Variants in NAP1L4 observed in about 807,000 individuals in gnomAD.
NAP1L4 encodes nucleosome assembly protein 1 like 4, also known as nucleosome assembly protein 1-like 4.
Under a neutral mutation model 58.2 loss-of-function variants are expected in NAP1L4, and 15 were observed. The observed-to-expected ratio is 0.26, with a 90% CI of 0.17 to 0.40. NAP1L4 has a LOEUF of 0.40. Ranked by LOEUF, NAP1L4 falls within the 10% of genes least tolerant of loss-of-function variation. The probability of loss-of-function intolerance (pLI) is 1.00; values close to 1 mark genes in which losing one functional copy is unlikely to be tolerated. For synonymous variants in NAP1L4, 171 were observed against 155.6 expected, an observed-to-expected ratio of 1.10 and a Z score of -0.74; for missense variants, 384 against 451.1, an observed-to-expected ratio of 0.85 and a Z score of 1.35.
At position 2,982,275 on chromosome 11, in the gene NAP1L4, A is replaced by G. The variant is rs188874516; in HGVS notation, c.-17-3038T>C. ...CCAAAACAGTTACACAATAACATCA[A>G]CTGTAATTTGGCTACTTAATTGAAG... On this transcript the variant is annotated intron_variant, in intron 1 of 15. Coordinates refer to ENST00000380542, the MANE Select transcript of NAP1L4 (RefSeq NM_005969.4). Among the ~76,000 whole-genome samples, 168 of 152,318 alleles carry G rather than the reference A, an allele frequency of 1.1e-3. No homozygotes were observed. The Middle Eastern group carries it at 0.014, about 12-fold the overall frequency.
chr11:2,955,017 A>G lies in NAP1L4; in HGVS notation c.916-371T>C, dbSNP rs1260557410. ...AACACATACTTTTACTTAGATGTGT[A>G]ATGATTTCAAATTAATCCCAGAGTT... On this transcript the variant is annotated intron_variant, in intron 11 of 15. Transcript: ENST00000380542. This position sits in a 1 kb window ranked among gnomAD's most constrained non-coding sequence, Gnocchi z 4.2. Among the ~76,000 whole-genome samples, 1 of 152,158 alleles carries G rather than the reference A, an allele frequency of 6.6e-6. No homozygotes were observed. The highest frequency in any genetic ancestry group is 2.4e-5 in the African/African-American group (1 of 41,434).
chr11:2,988,459 C>A (rs1364415385), intron 1 of NAP1L4, among the ~76,000 whole-genome samples: 1 of 152,232 alleles, frequency 6.6e-6, no homozygotes, highest in Non-Finnish European at 1.5e-5. Flanking sequence ...ACAAAGACTT[C>A]TGTTTTATTC....
intron 1 of NAP1L4, among the ~76,000 whole-genome samples, chr11:2,986,196 A>C (rs943816777): frequency 6.6e-6 from 1 of 152,114 alleles, no homozygotes; most frequent in African/African-American, 2.4e-5. Context: ...CAACGTGGTG[A>C]AATTCCATCT....
chr11:2,976,194 G>A (rs759448398), intron 3 of NAP1L4, 71 bp from the exon 4 acceptor site: 1 of 1,124,222 alleles, frequency 8.9e-7, no homozygotes, highest in South Asian at 1.4e-5. Context: ...TCAAAAATTA[G>A]TAACATATCT....
Position 2,944,806 on chromosome 11 carries a change from A to T in NAP1L4, c.*873T>A, listed in dbSNP as rs555332818. ...CCGGCAGCAGGGTGGCGCCTGCGTC[A>T]TGAGGACGGGCTCGCATCTTCAGCC... On this transcript the variant is annotated 3_prime_UTR_variant, in exon 16 of 16. Transcript: ENST00000380542. 6.6e-6 allele frequency: 1 copy of T among 152,266 alleles called. No homozygotes were observed. The highest frequency in any genetic ancestry group is 2.1e-4 in the South Asian group (1 of 4,834). The allele number at this position is 152,266 out of a possible 1,614,324, so 9.4% of individuals were successfully genotyped here.
At chr11:2,987,642 A>G (rs1848714708) in intron 1 of NAP1L4, among the ~76,000 whole-genome samples, 1 of 148,938 alleles carries the variant, frequency 6.7e-6, no homozygotes, top group Admixed American at 6.6e-5. Context: ...CTGTAATCCC[A>G]GCTACTTGGG....
intron 6 of NAP1L4, 129 bp from the exon 7 acceptor site, chr11:2,970,063 T>C: frequency 2.2e-6 from 2 of 903,772 alleles, no homozygotes; most frequent in Non-Finnish European, 3.2e-6. Context: ...AGTCTGCACC[T>C]CCAAACCACT....
chr11:2,963,710 C>T lies in NAP1L4; in HGVS notation c.606+970G>A, dbSNP rs1198548486. The T allele has an allele frequency of 1.9e-5, 10 of 516,516 alleles. No individual in the cohort carries two copies. In the East Asian group the frequency reaches 5.4e-4, roughly 28 times the overall value. 32.0% of individuals were successfully genotyped at this position (516,516 alleles called of 1,614,324 possible). On this transcript the variant is annotated intron_variant, in intron 8 of 15. Coordinates refer to ENST00000380542, the MANE Select transcript of NAP1L4 (RefSeq NM_005969.4). ...AGGAAGGAAGATACTGGTGACTGGC[C>T]CCAGGCCCCTACCACCATCACCCAC... is the stretch of plus-strand genomic sequence containing the variant.
rs375706072 is a variant in NAP1L4, at chr11:2,978,326, G to T, written c.31C>A (p.Pro11Thr). Reference sequence around the variant, plus strand: ...TTAGCAGCTTCCACGGAATCTGAAGGAACCCCATCTGAAAAACTAAAACAA... The same window carrying T: ...TTAGCAGCTTCCACGGAATCTGAAGTAACCCCATCTGAAAAACTAAAACAA... MADHSFSDGVPSDSVEAAKNA... is the reference protein window; with the variant it reads MADHSFSDGVTSDSVEAAKNA... Residue 11 changes from proline (P) to threonine (T), a missense_variant, in exon 3 of 16, where the codon CCT (proline) becomes ACT (threonine). Coordinates refer to ENST00000380542, the MANE Select transcript of NAP1L4 (RefSeq NM_005969.4). 2.4e-5 allele frequency: 38 copies of T among 1,613,724 alleles called. No homozygotes were observed. In the African/African-American group the frequency reaches 4.7e-4, roughly 20 times the overall value.
chr11:2,974,085 T>A lies in NAP1L4; in HGVS notation c.174-1842A>T, dbSNP rs140534619. On this transcript the variant is annotated intron_variant, in intron 4 of 15. Coordinates refer to ENST00000380542, the MANE Select transcript of NAP1L4 (RefSeq NM_005969.4). ...GCCTGGCTAATTATACAATTTTAAA[T>A]TAGTTTAATTTTTGAAGCTTTCCAA... is the stretch of plus-strand genomic sequence containing the variant. 4.7e-3 allele frequency among the ~76,000 whole-genome samples: 719 copies of A among 152,318 alleles called. 6 individuals are homozygous for A. Among genetic ancestry groups the A allele is most frequent in the African/African-American group, 0.016 (683 of 41,560 alleles).
intron 8 of NAP1L4, among the ~76,000 whole-genome samples, chr11:2,964,297 C>A (rs543432514): frequency 6.6e-6 from 1 of 152,266 alleles, no homozygotes; most frequent in African/African-American, 2.4e-5. Flanking sequence ...AGTAAACAAA[C>A]AAACTACAAG....
intron 1 of NAP1L4, among the ~76,000 whole-genome samples, chr11:2,986,251 G>A (rs1293444369): frequency 1.3e-5 from 2 of 152,040 alleles, no homozygotes; most frequent in Admixed American, 1.3e-4. Flanking sequence ...GCACACGCCT[G>A]AGGTCCCAGC....
intron 1 of NAP1L4, among the ~76,000 whole-genome samples, chr11:2,984,604 A>C (rs932709163): frequency 6.6e-6 from 1 of 152,022 alleles, no homozygotes; most frequent in East Asian, 1.9e-4. Context: ...TAACAAACAC[A>C]CTTCAATGGT....
chr11:2,981,418 C>CAAAAAAAAA (rs35499396), intron 1 of NAP1L4, among the ~76,000 whole-genome samples: 899 of 41,196 alleles, frequency 0.022, 79 homozygotes, highest in East Asian at 0.042. Context: ...TACCCTGTCT[C>CAAAAAAAAA]AAAAAAAAAA....
At position 2,951,140 on chromosome 11, in the gene NAP1L4, ACTTT is replaced by A. The variant is rs1846203015; in HGVS notation, c.1122+115_1122+118del. On this transcript the variant is annotated intron_variant, in intron 14 of 15. Transcript: ENST00000380542. This position sits in a 1 kb window ranked among gnomAD's most constrained non-coding sequence, Gnocchi z 4.0. ...CCACTATTTTTCTGACACATTTTAA[ACTTT>A]CTAATTAGGGAATAATGAATATTGT... 3 of 788,980 alleles carry A rather than the reference ACTTT, an allele frequency of 3.8e-6. No homozygotes were observed. The South Asian group carries it at 4.8e-5, about 13-fold the overall frequency. The allele number at this position is 788,980 out of a possible 1,614,324, so 48.9% of individuals were successfully genotyped here.
chr11:2,985,260 G>C (rs1278255201), intron 1 of NAP1L4, among the ~76,000 whole-genome samples: 2 of 152,204 alleles, frequency 1.3e-5, no homozygotes, highest in African/African-American at 4.8e-5. Flanking sequence ...AGACAATGTA[G>C]AGAGGTGGTA....
In NAP1L4 at chr11:2,959,369, T is replaced by C. The variant is rs1846726948; in HGVS notation, c.746+401A>G. Among the ~76,000 whole-genome samples the C allele has an allele frequency of 6.6e-6, 1 of 152,196 alleles. No homozygotes were observed. Among genetic ancestry groups the C allele is most frequent in the Non-Finnish European group, 1.5e-5 (1 of 68,032 alleles). On this transcript the variant is annotated intron_variant, in intron 9 of 15. Coordinates refer to ENST00000380542, the MANE Select transcript of NAP1L4 (RefSeq NM_005969.4). The surrounding 1 kb of genome is among the most constrained non-coding windows in gnomAD (Gnocchi z 4.9). Reference sequence around the variant, plus strand: ...AACAGCTATGCTGCCCCCACCTATTTCCAAAGCAATCAGCTGATCAATATA... The same window carrying C: ...AACAGCTATGCTGCCCCCACCTATTCCCAAAGCAATCAGCTGATCAATATA...
At chr11:2,983,494 G>A (rs933008619) in intron 1 of NAP1L4, among the ~76,000 whole-genome samples, 8 of 151,856 alleles carry the variant, frequency 5.3e-5, no homozygotes, top group African/African-American at 1.9e-4. Context: ...TGGGATTATA[G>A]GACAGAGGCA....
At chr11:2,960,213 TGCTTCCTGGA>T (rs761647219) in intron 8 of NAP1L4, 13 of 291,612 alleles carry the variant, frequency 4.5e-5, no homozygotes, top group Non-Finnish European at 7.8e-5. Context: ...TCCCAGCCCT[TGCTTCCTGGA>T]AGGAGGGAAG....
Sources: allele counts gnomAD v4.1 joint callset (sites outside exome capture counted in the v4.1 genomes callset), GRCh38; gene constraint gnomAD v4.1.1; non-coding constraint Gnocchi (gnomAD v3.1); transcripts MANE v1.5; gene names NCBI Gene and HGNC (gene_info 2026-07-23, HGNC 2026-07-21).